The following NCKAP5 variants were observed in gnomAD, a reference collection of about 807,000 sequenced individuals.
NCKAP5 encodes the protein NCK associated protein 5.
NCKAP5 carries 92 observed loss-of-function variants against 167.0 expected under a neutral mutation model. That is an observed-to-expected ratio of 0.55 (90% CI 0.47 to 0.66). NCKAP5 has a LOEUF of 0.66. Among genes scored for constraint, NCKAP5 ranks in the 30% least tolerant of loss-of-function variants. The pLI, the probability that NCKAP5 is intolerant of heterozygous loss-of-function variation, is 0.00. For missense variants in NCKAP5, 2,378 were observed against 2,315.0 expected (o/e 1.03, Z -0.56); for synonymous variants, 891 against 877.4 (o/e 1.02, Z -0.27).
intron 3 of NCKAP5, among the ~76,000 whole-genome samples, chr2:133,324,744 G>A (rs1284821158): frequency 2.0e-5 from 3 of 151,956 alleles, no homozygotes; most frequent in Non-Finnish European, 4.4e-5. Flanking sequence ...TTTTGAGACG[G>A]AGCCTGGCTC....
At chr2:133,087,635 T>A (rs1388331647) in intron 6 of NCKAP5, among the ~76,000 whole-genome samples, 1 of 152,204 alleles carries the variant, frequency 6.6e-6, no homozygotes, top group Non-Finnish European at 1.5e-5. Context: ...ATTTTGACAG[T>A]GGGGCTTGAT....
At chr2:132,750,310 T>C (rs897735847) in intron 16 of NCKAP5, among the ~76,000 whole-genome samples, 12 of 152,138 alleles carry the variant, frequency 7.9e-5, no homozygotes, top group African/African-American at 2.9e-4. Context: ...GGCCAATATA[T>C]AAAAATTCAA....
At chr2:133,488,773 G>A (rs181467206) in intron 3 of NCKAP5, among the ~76,000 whole-genome samples, 188 of 152,098 alleles carry the variant, frequency 1.2e-3, no homozygotes, top group African/African-American at 4.1e-3. Context: ...AAAATTAGCC[G>A]GGCATGGTGG....
At chr2:133,208,781 C>T (rs1330314134) in intron 5 of NCKAP5, among the ~76,000 whole-genome samples, 2 of 152,086 alleles carry the variant, frequency 1.3e-5, no homozygotes, top group Non-Finnish European at 2.9e-5. Context: ...ACACTCTAGA[C>T]TATATTTGCA....
chr2:133,637,131 A>G, the NCKAP5 span, among the ~76,000 whole-genome samples: 1 of 152,004 alleles, frequency 6.6e-6, no homozygotes, highest in South Asian at 2.1e-4. Context: ...TTAACTCTGT[A>G]TTTTTATTTT....
intron 8 of NCKAP5, among the ~76,000 whole-genome samples, chr2:132,891,265 A>T (rs1460129964): frequency 6.6e-6 from 1 of 152,146 alleles, no homozygotes; most frequent in East Asian, 1.9e-4. Context: ...AGCCACCCTC[A>T]CATTTGGATT....
chr2:133,386,809 G>C lies in NCKAP5; in HGVS notation c.70-83699C>G, dbSNP rs530017018. On this transcript the variant is annotated intron_variant, in intron 3 of 19. Coordinates refer to ENST00000409261, the MANE Select transcript of NCKAP5 (RefSeq NM_207363.3). ...CCCTTTACCATTATGTAATGGCCTT[G>C]TTTGTCTCTTTTGATCTTTGTTGGT... 7.3e-4 allele frequency among the ~76,000 whole-genome samples: 111 copies of C among 152,218 alleles called. 2 individuals are homozygous for C. The highest frequency in any genetic ancestry group is 2.3e-3 in the African/African-American group (97 of 41,544).
intron 1 of NCKAP5, among the ~76,000 whole-genome samples, chr2:133,565,190 G>A (rs1326094088): frequency 6.6e-6 from 1 of 152,148 alleles, no homozygotes; most frequent in Admixed American, 6.5e-5. Flanking sequence ...ATAGAGAGCA[G>A]CTCCTGGTAG....
chr2:132,919,572 A>G (rs1191198572), intron 8 of NCKAP5, among the ~76,000 whole-genome samples: 1 of 152,220 alleles, frequency 6.6e-6, no homozygotes, highest in African/African-American at 2.4e-5. Context: ...TGCAAGATCA[A>G]CAGCGGGATG....
At chr2:132,856,022 G>A (rs191163197) in intron 11 of NCKAP5, among the ~76,000 whole-genome samples, 2 of 152,260 alleles carry the variant, frequency 1.3e-5, no homozygotes, top group Admixed American at 6.5e-5. Context: ...AAATTAGCCA[G>A]GCATGGTGGC....
intron 19 of NCKAP5, among the ~76,000 whole-genome samples, chr2:132,678,816 T>G (rs1684829163): frequency 6.6e-6 from 1 of 152,208 alleles, no homozygotes; most frequent in African/African-American, 2.4e-5. Context: ...TTAATCACTG[T>G]GTATTACCCC....
intron 6 of NCKAP5, among the ~76,000 whole-genome samples, chr2:133,077,380 G>A (rs1437724796): frequency 1.3e-5 from 2 of 152,138 alleles, no homozygotes; most frequent in African/African-American, 4.8e-5. Context: ...TTTTTAAGCT[G>A]AGCCTTACTT....
intron 4 of NCKAP5, among the ~76,000 whole-genome samples, chr2:133,265,869 G>A (rs937806553): frequency 7.9e-5 from 12 of 152,098 alleles, no homozygotes; most frequent in African/African-American, 2.7e-4. Flanking sequence ...ATGGCCTCCC[G>A]GCCCGGGAAA....
intron 3 of NCKAP5, among the ~76,000 whole-genome samples, chr2:133,380,142 G>T (rs1686417463): frequency 6.6e-6 from 1 of 152,040 alleles, no homozygotes. Flanking sequence ...ATATTTATGT[G>T]CAGACAGACA....
chr2:132,743,354 A>C (rs1163396940), intron 16 of NCKAP5, among the ~76,000 whole-genome samples: 2 of 151,894 alleles, frequency 1.3e-5, no homozygotes, highest in South Asian at 2.1e-4. Context: ...TATATGATCT[A>C]TATATATATT....
intron 8 of NCKAP5, among the ~76,000 whole-genome samples, chr2:132,920,503 A>G (rs1695232623): frequency 6.6e-6 from 1 of 151,294 alleles, no homozygotes; most frequent in African/African-American, 2.4e-5. Flanking sequence ...AGTGGGAGAC[A>G]AAGGGAAAGC....
intron 1 of NCKAP5, among the ~76,000 whole-genome samples, chr2:133,562,186 C>T (rs1010085780): frequency 6.0e-5 from 9 of 151,236 alleles, no homozygotes; most frequent in Non-Finnish European, 1.2e-4. Context: ...GAGGGTGGCC[C>T]AAGAGACTGT....
At position 133,003,475 on chromosome 2, in the gene NCKAP5, A is replaced by G. The variant is rs116766978; in HGVS notation, c.342-9236T>C. On this transcript the variant is annotated intron_variant, in intron 6 of 19. Transcript: ENST00000409261. ...CGCCACTTGTTTTCTTAGAAATGAG[A>G]ATTTCCTCCCTTAGAAGCTAGGACA... Among the ~76,000 whole-genome samples the G allele has an allele frequency of 5.2e-3, 790 of 152,280 alleles. 5 individuals carry two copies. Among genetic ancestry groups the G allele is most frequent in the African/African-American group, 0.017 (724 of 41,578 alleles).
At chr2:132,703,517 A>T (rs1336375069) in intron 19 of NCKAP5, among the ~76,000 whole-genome samples, 1 of 152,186 alleles carries the variant, frequency 6.6e-6, no homozygotes, top group Non-Finnish European at 1.5e-5. Context: ...GTGGATGAAG[A>T]TTTGCTCCCT....
Sources: gnomAD v4.1 joint callset for allele counts (sites outside exome capture counted in the v4.1 genomes callset) on GRCh38, gnomAD v4.1.1 for gene constraint, MANE v1.5 for transcripts, NCBI Gene and HGNC (gene_info 2026-07-23, HGNC 2026-07-21) for gene names.